Variants in LRRC9 observed in about 807,000 individuals in gnomAD.
LRRC9 encodes leucine-rich repeat-containing protein 9.
A neutral mutation model predicts 63.2 loss-of-function variants in LRRC9; 122 were observed. The observed-to-expected ratio is 1.93, with a 90% CI of 1.67 to 2.24. The LOEUF is 2.24. Ranked by LOEUF, LRRC9 falls within the 30% of genes most tolerant of loss-of-function variation. The probability of loss-of-function intolerance (pLI) is 0.00; values close to 1 mark genes in which losing one functional copy is unlikely to be tolerated. For missense variants in LRRC9, 1,071 were observed against 627.7 expected (o/e 1.71, Z -7.55); for synonymous variants, 366 against 213.1 (o/e 1.72, Z -6.25).
intron 31 of LRRC9, among the ~76,000 whole-genome samples, chr14:60,061,367 G>A (rs1218900294): frequency 6.6e-6 from 1 of 152,184 alleles, no homozygotes; most frequent in Non-Finnish European, 1.5e-5. Flanking sequence ...CAACAACACT[G>A]AGACAAGACC....
chr14:60,034,067 A>G (rs1595073055), intron 29 of LRRC9, among the ~76,000 whole-genome samples: 1 of 134,112 alleles, frequency 7.5e-6, no homozygotes, highest in East Asian at 2.2e-4. Flanking sequence ...GTCACCCAAG[A>G]TGGAGTGCAG....
chr14:60,002,213 G>A, intron 20 of LRRC9, 113 bp downstream of exon 20: 2 of 488,102 alleles, frequency 4.1e-6, no homozygotes, highest in Non-Finnish European at 3.6e-6. Flanking sequence ...ACAGAAAGCT[G>A]GAAGAGATTA....
intron 29 of LRRC9, among the ~76,000 whole-genome samples, chr14:60,038,079 TG>T (rs1892605635): frequency 6.6e-6 from 1 of 152,192 alleles, no homozygotes; most frequent in Admixed American, 6.5e-5. Context: ...TGGTTGTAGA[TG>T]TGTGGTATTG....
At position 59,959,806 on chromosome 14, in the gene LRRC9, T is replaced by A; in HGVS notation, c.883-12T>A. 1.7e-6 allele frequency: 1 copy of A among 589,888 alleles called. No homozygotes were observed. The highest frequency in any genetic ancestry group is 3.0e-6 in the Non-Finnish European group (1 of 329,526). The allele number at this position is 589,888 out of a possible 1,614,324, so 36.5% of individuals were successfully genotyped here. ...ATTTTTATTTTGCTCTCTGACACAT[T>A]GTTTTCCACAGTTGGAACGAGAACT... On this transcript the variant is annotated splice_polypyrimidine_tract_variant and intron_variant, in intron 8 of 31. Transcript: ENST00000445360.
At chr14:60,020,684 T>C (rs1891052599) in intron 26 of LRRC9, among the ~76,000 whole-genome samples, 1 of 151,984 alleles carries the variant, frequency 6.6e-6, no homozygotes, top group African/African-American at 2.4e-5. Flanking sequence ...TCTAGAATTG[T>C]ATTTTCTAGA....
chr14:59,922,604 G>A lies in LRRC9; in HGVS notation c.-34+2721G>A, dbSNP rs1373561296. Among the ~76,000 whole-genome samples the A allele has an allele frequency of 2.6e-5, 4 of 152,158 alleles. No homozygotes were observed. Among genetic ancestry groups the A allele is most frequent in the Admixed American group, 2.6e-4 (4 of 15,282 alleles). On this transcript the variant is annotated intron_variant, in intron 1 of 31. Transcript: ENST00000445360. This position sits in a 1 kb window ranked among gnomAD's most constrained non-coding sequence, Gnocchi z 5.3. ...TACATAGGAAAAGGGATTTGTTTTG[G>A]ACAAAAGGAAGAACACCTACTAAGA...
chr14:60,050,953 G>C (rs182629085), intron 29 of LRRC9, among the ~76,000 whole-genome samples: 2 of 152,222 alleles, frequency 1.3e-5, no homozygotes, highest in Non-Finnish European at 2.9e-5. Flanking sequence ...TCCTTCCTCT[G>C]TAAGCTCCAT....
At chr14:59,955,817 C>G (rs1163614237) in intron 8 of LRRC9, among the ~76,000 whole-genome samples, 1 of 152,156 alleles carries the variant, frequency 6.6e-6, no homozygotes, top group African/African-American at 2.4e-5. Flanking sequence ...GTAGCTGTGT[C>G]CCAGAGATTC....
chr14:60,062,211 T>A lies in LRRC9; in HGVS notation c.4277-1112T>A, dbSNP rs1479188724. The A allele has an allele frequency of 1.3e-5, 5 of 398,308 alleles. No homozygotes were observed. In the Admixed American group the frequency reaches 2.2e-4, roughly 18 times the overall value. The allele number at this position is 398,308 out of a possible 1,614,324, so 24.7% of individuals were successfully genotyped here. On this transcript the variant is annotated intron_variant, in intron 31 of 31. Transcript: ENST00000445360. Reference sequence around the variant, plus strand: ...CTATTTTCTCTGTGTTTTAATATCATTTCTCATCATTAAAAAAGTACTCTC... The same window carrying A: ...CTATTTTCTCTGTGTTTTAATATCAATTCTCATCATTAAAAAAGTACTCTC...
chr14:59,985,925 G>A (rs1252937195), intron 17 of LRRC9, among the ~76,000 whole-genome samples: 1 of 151,946 alleles, frequency 6.6e-6, no homozygotes, highest in Non-Finnish European at 1.5e-5. Context: ...ATGTACTTTG[G>A]TGTAATTTCC....
At chr14:59,988,434 T>C (rs948163952) in intron 17 of LRRC9, among the ~76,000 whole-genome samples, 1 of 152,164 alleles carries the variant, frequency 6.6e-6, no homozygotes, top group African/African-American at 2.4e-5. Context: ...ACCACAAAGC[T>C]TTCAACTTCT....
intron 12 of LRRC9, among the ~76,000 whole-genome samples, chr14:59,970,663 T>C (rs765977569): frequency 7.2e-5 from 11 of 152,234 alleles, no homozygotes; most frequent in Non-Finnish European, 1.5e-4. Context: ...GGTTTTGATT[T>C]GCATTTCTCT....
Position 59,964,970 on chromosome 14 carries a change from A to G in LRRC9, c.1212-1619A>G, listed in dbSNP as rs187185560. On this transcript the variant is annotated intron_variant, in intron 10 of 31. Transcript: ENST00000445360. The surrounding 1 kb of genome is among the most constrained non-coding windows in gnomAD (Gnocchi z 4.4). ...GATGCCCTAAGTTAGGAGCTCAGCT[A>G]TTAGGCTCAAGGAGAGACTACCCAT... is the stretch of plus-strand genomic sequence containing the variant. Among the ~76,000 whole-genome samples, 28 of 152,306 alleles carry G rather than the reference A, an allele frequency of 1.8e-4. No homozygotes were observed. Among genetic ancestry groups the G allele is most frequent in the African/African-American group, 6.3e-4 (26 of 41,570 alleles).
At chr14:59,979,873 C>T (rs1029516112) in intron 15 of LRRC9, among the ~76,000 whole-genome samples, 5 of 150,900 alleles carry the variant, frequency 3.3e-5, no homozygotes, top group African/African-American at 1.2e-4. Context: ...TGCTAAATGA[C>T]GAGTTAATGG....
intron 29 of LRRC9, among the ~76,000 whole-genome samples, chr14:60,045,086 A>G (rs1595100158): frequency 8.3e-6 from 1 of 120,180 alleles, no homozygotes; most frequent in Non-Finnish European, 1.6e-5. Flanking sequence ...TTTGATTTGT[A>G]GACTCTTTTA....
At chr14:59,985,508 C>G (rs906289379) in intron 17 of LRRC9, among the ~76,000 whole-genome samples, 2 of 152,132 alleles carry the variant, frequency 1.3e-5, no homozygotes, top group African/African-American at 4.8e-5. Context: ...TTTTTAAAAA[C>G]TGTGCTGACT....
At chr14:59,973,747 G>C (rs1317205508) in intron 12 of LRRC9, among the ~76,000 whole-genome samples, 1 of 151,984 alleles carries the variant, frequency 6.6e-6, no homozygotes, top group African/African-American at 2.4e-5. Flanking sequence ...CTGTGGATGT[G>C]GAGGGCTGAC....
rs1212923800 is a variant in LRRC9 at position 59,923,623 on chromosome 14, A to G, written c.-34+3740A>G. Among the ~76,000 whole-genome samples the G allele has an allele frequency of 6.6e-6, 1 of 152,240 alleles. No homozygotes were observed. Among genetic ancestry groups the G allele is most frequent in the Non-Finnish European group, 1.5e-5 (1 of 68,042 alleles). On this transcript the variant is annotated intron_variant, in intron 1 of 31. Transcript: ENST00000445360. The surrounding 1 kb of genome is among the most constrained non-coding windows in gnomAD (Gnocchi z 4.2). ...AGAACATGAGGTGGGAATTTAAAAT[A>G]TAAATCACAGTAATTAAAACAGATA... is the stretch of plus-strand genomic sequence containing the variant.
At chr14:60,062,084 A>C (rs768227495) in intron 31 of LRRC9, 4 of 398,738 alleles carry the variant, frequency 1.0e-5, no homozygotes, top group Admixed American at 4.4e-5. Context: ...CTTTTCGGCA[A>C]CTCAGAGGGA....
Sources: gnomAD v4.1 joint callset for allele counts (sites outside exome capture counted in the v4.1 genomes callset) on GRCh38, gnomAD v4.1.1 for gene constraint, Gnocchi (gnomAD v3.1) non-coding constraint, MANE v1.5 for transcripts, NCBI Gene and HGNC (gene_info 2026-07-23, HGNC 2026-07-21) for gene names.